The following DAB1 variants were observed in gnomAD, a reference collection of about 807,000 sequenced individuals.
DAB1 encodes disabled homolog 1.
Under a neutral mutation model 64.6 loss-of-function variants are expected in DAB1, and 15 were observed. That is an observed-to-expected ratio of 0.23 (90% CI 0.16 to 0.36). DAB1 has a LOEUF of 0.36. Ranked by LOEUF, DAB1 falls within the 10% of genes least tolerant of loss-of-function variation. DAB1 has a pLI of 1.00. For missense variants in DAB1, 596 were observed against 706.7 expected, an observed-to-expected ratio of 0.84 and a Z score of 1.78; for synonymous variants, 235 against 251.9, an observed-to-expected ratio of 0.93 and a Z score of 0.64.
intron 4 of DAB1, among the ~76,000 whole-genome samples, chr1:58,236,304 G>A (rs574956175): frequency 1.8e-4 from 28 of 152,236 alleles, no homozygotes; most frequent in Non-Finnish European, 8.8e-5. Flanking sequence ...GGACAGAGGC[G>A]CACAGTAACA....
chr1:58,175,655 G>A (rs1656427470), intron 4 of DAB1, among the ~76,000 whole-genome samples: 1 of 152,008 alleles, frequency 6.6e-6, no homozygotes. Context: ...TTTTTAAATT[G>A]TTTGTCTTGT....
chr1:57,392,825 G>A (rs1682495259), intron 1 of DAB1, among the ~76,000 whole-genome samples: 2 of 152,160 alleles, frequency 1.3e-5, no homozygotes, highest in Admixed American at 1.3e-4. Flanking sequence ...AGATGGAGAT[G>A]GGGACAGTAG....
At chr1:57,805,702 A>T (rs1323467636) in intron 6 of DAB1, among the ~76,000 whole-genome samples, 1 of 152,172 alleles carries the variant, frequency 6.6e-6, no homozygotes, top group Non-Finnish European at 1.5e-5. Flanking sequence ...TCTCACACTT[A>T]ACATGCCCAT....
At chr1:57,448,786 AC>A (rs1686243150) in intron 7 of DAB1, among the ~76,000 whole-genome samples, 1 of 152,066 alleles carries the variant, frequency 6.6e-6, no homozygotes, top group Non-Finnish European at 1.5e-5. Context: ...ACACACACAC[AC>A]ACACACACAG....
At chr1:57,359,420 C>T (rs113450675) in intron 1 of DAB1, among the ~76,000 whole-genome samples, 144 of 151,836 alleles carry the variant, frequency 9.5e-4, no homozygotes, top group African/African-American at 3.3e-3. Context: ...AGAATGTCTG[C>T]TATCAAAAAT....
chr1:57,931,023 G>C (rs1300045268), intron 5 of DAB1, among the ~76,000 whole-genome samples: 2 of 152,094 alleles, frequency 1.3e-5, no homozygotes, highest in Admixed American at 1.3e-4. Context: ...AATTGAGGGA[G>C]TTTCTGTCTA....
At chr1:57,617,279 G>A (rs996800367) in intron 7 of DAB1, among the ~76,000 whole-genome samples, 4 of 152,110 alleles carry the variant, frequency 2.6e-5, no homozygotes, top group East Asian at 1.9e-4. Context: ...ATGACCAACC[G>A]CCAGTGTACG....
intron 3 of DAB1, among the ~76,000 whole-genome samples, chr1:58,420,763 G>A (rs1450554632): frequency 2.0e-5 from 3 of 152,164 alleles, no homozygotes; most frequent in African/African-American, 4.8e-5. Flanking sequence ...AGAGAGAGCA[G>A]ATGGTCATTT....
At chr1:58,184,096 T>A (rs1656941861) in intron 4 of DAB1, among the ~76,000 whole-genome samples, 1 of 152,010 alleles carries the variant, frequency 6.6e-6, no homozygotes, top group South Asian at 2.1e-4. Flanking sequence ...TTTTATAGGG[T>A]CAGGATTTGC....
intron 4 of DAB1, among the ~76,000 whole-genome samples, chr1:58,299,851 A>C (rs1662081217): frequency 6.6e-6 from 1 of 152,166 alleles, no homozygotes; most frequent in East Asian, 1.9e-4. Flanking sequence ...TTGCTAGTAC[A>C]TACCTTCATC....
At chr1:58,316,840 A>G (rs565231239) in intron 4 of DAB1, among the ~76,000 whole-genome samples, 2 of 152,144 alleles carry the variant, frequency 1.3e-5, no homozygotes, top group Non-Finnish European at 2.9e-5. Context: ...TTTATTCTTA[A>G]CAGCATTTGT....
Position 57,820,482 on chromosome 1 carries a change from C to A in DAB1, n.551+63517G>T, listed in dbSNP as rs1486717044. On this transcript the variant is annotated intron_variant and non_coding_transcript_variant, in intron 6 of 20. Transcript: ENST00000485760. ...ATTGAGAATTTCTTACTTTCTTTTA[C>A]ATCATAGCTATTTCGAAGTCCCATC... is the stretch of plus-strand genomic sequence containing the variant. Among the ~76,000 whole-genome samples, 4 of 152,232 alleles carry A rather than the reference C, an allele frequency of 2.6e-5. No individual in the cohort carries two copies. In the East Asian group the frequency reaches 7.7e-4, roughly 29 times the overall value.
At chr1:57,069,545 A>G in intron 7 of DAB1, 120 bp from the exon 8 acceptor site, 1 of 764,590 alleles carries the variant, frequency 1.3e-6, no homozygotes, top group East Asian at 2.6e-5. Context: ...ACAAGAGAAA[A>G]CACCTTAAAG....
intron 1 of DAB1, among the ~76,000 whole-genome samples, chr1:57,828,084 T>G (rs1315783852): frequency 6.6e-6 from 1 of 152,148 alleles, no homozygotes; most frequent in African/African-American, 2.4e-5. Flanking sequence ...TACCTGGGAC[T>G]ACAGGCGCCC....
intron 4 of DAB1, among the ~76,000 whole-genome samples, chr1:58,322,666 G>C (rs1456922651): frequency 1.3e-5 from 2 of 152,210 alleles, no homozygotes; most frequent in East Asian, 3.8e-4. Flanking sequence ...TTCAACCATT[G>C]TGGAAGACAA....
At chr1:58,363,625 T>G (rs1362678427) in intron 3 of DAB1, among the ~76,000 whole-genome samples, 1 of 152,224 alleles carries the variant, frequency 6.6e-6, no homozygotes, top group Non-Finnish European at 1.5e-5. Context: ...ATTTGTCCGC[T>G]CCACAGCCCT....
chr1:57,556,934 T>A (rs150811595), intron 7 of DAB1, among the ~76,000 whole-genome samples: 50 of 152,334 alleles, frequency 3.3e-4, no homozygotes, highest in African/African-American at 1.2e-3. Context: ...CTTTGATCTA[T>A]CTTGAGTTGA....
chr1:57,763,255 G>A (rs1187883790), intron 6 of DAB1, among the ~76,000 whole-genome samples: 1 of 152,136 alleles, frequency 6.6e-6, no homozygotes. Context: ...TATAGAAAGA[G>A]GACACTTGGA....
intron 6 of DAB1, among the ~76,000 whole-genome samples, chr1:57,743,296 T>C (rs918965077): frequency 2.6e-5 from 4 of 152,180 alleles, no homozygotes; most frequent in Non-Finnish European, 5.9e-5. Context: ...AACTGATCAA[T>C]GTACTTTGTA....
Sources: gnomAD v4.1 joint callset for allele counts (sites outside exome capture counted in the v4.1 genomes callset) on GRCh38, gnomAD v4.1.1 for gene constraint, MANE v1.5 for transcripts, NCBI Gene and HGNC (gene_info 2026-07-23, HGNC 2026-07-21) for gene names.